Variants in C7 observed in about 807,000 individuals in gnomAD.
C7 encodes complement component C7.
C7 carries 83 observed loss-of-function variants against 104.8 expected under a neutral mutation model. That is an observed-to-expected ratio of 0.79 (90% CI 0.66 to 0.95). The LOEUF (loss-of-function observed/expected upper bound fraction) is 0.95. Among genes scored for constraint, C7 ranks in the 40% least tolerant of loss-of-function variants. The pLI is 0.00. For missense variants in C7, 1,070 were observed against 1,011.2 expected (o/e 1.06, Z -0.79); for synonymous variants, 415 against 360.6 (o/e 1.15, Z -1.71).
chr5:40,927,109 T>C (rs907573957), intron 1 of C7, among the ~76,000 whole-genome samples: 6 of 152,088 alleles, frequency 3.9e-5, no homozygotes, highest in Non-Finnish European at 8.8e-5. Flanking sequence ...TATGGTCGAT[T>C]GGTTATTTTT....
At chr5:40,946,997 A>G (rs1198383494) in intron 7 of C7, among the ~76,000 whole-genome samples, 1 of 151,864 alleles carries the variant, frequency 6.6e-6, no homozygotes, top group Admixed American at 6.6e-5. Flanking sequence ...ATTAATCCTG[A>G]ACCCTGAATT....
At chr5:40,962,243 AT>A in intron 13 of C7, 71 bp downstream of exon 13, 2 of 880,890 alleles carry the variant, frequency 2.3e-6, no homozygotes, top group South Asian at 2.3e-5. Flanking sequence ...CCCATAACCT[AT>A]TTTCTTCCTC....
intron 17 of C7, chr5:40,980,200 A>G (rs1740912895): frequency 3.7e-6 from 1 of 272,288 alleles, no homozygotes; most frequent in Non-Finnish European, 6.8e-6. Context: ...TATTATCCAT[A>G]TTGTGTACTC....
chr5:40,930,042 A>G (rs148631506), intron 2 of C7, among the ~76,000 whole-genome samples: 4 of 152,020 alleles, frequency 2.6e-5, no homozygotes, highest in African/African-American at 7.2e-5. Flanking sequence ...GTTTTCACCT[A>G]CCCTCTTAAC....
At chr5:40,924,961 C>T (rs932707412) in intron 1 of C7, among the ~76,000 whole-genome samples, 1 of 152,318 alleles carries the variant, frequency 6.6e-6, no homozygotes, top group African/African-American at 2.4e-5. Context: ...GCCTTCGGGG[C>T]CTCTTCTCCA....
intron 1 of C7, among the ~76,000 whole-genome samples, chr5:40,922,659 C>G (rs1196329708): frequency 6.7e-6 from 1 of 148,778 alleles, no homozygotes; most frequent in Non-Finnish European, 1.5e-5. Context: ...CAAGATCGCA[C>G]TACTGCACTC....
intron 3 of C7, among the ~76,000 whole-genome samples, chr5:40,931,492 T>C (rs1421178755): frequency 6.6e-6 from 1 of 152,204 alleles, no homozygotes; most frequent in African/African-American, 2.4e-5. Context: ...TTATGTTCAC[T>C]GAGTTCAACT....
chr5:40,909,969 G>A (rs895298679), intron 1 of C7, among the ~76,000 whole-genome samples: 4 of 145,472 alleles, frequency 2.7e-5, no homozygotes, highest in South Asian at 2.2e-4. Flanking sequence ...ACTTTCCTCT[G>A]GTGTATTTTT....
At chr5:40,980,474 A>C (rs1740918572) in intron 17 of C7, 1 of 152,266 alleles carries the variant, frequency 6.6e-6, no homozygotes, top group Non-Finnish European at 1.5e-5. Context: ...GACGGATTTG[A>C]AGAGAATAAA....
intron 1 of C7, among the ~76,000 whole-genome samples, chr5:40,926,908 A>T (rs1474991475): frequency 2.0e-5 from 3 of 150,816 alleles, no homozygotes; most frequent in Non-Finnish European, 4.4e-5. Flanking sequence ...CTTAAAGTTC[A>T]TATGGAATCA....
At position 40,958,143 on chromosome 5, in the gene C7, C is replaced by A; in HGVS notation, c.1371C>A (p.Cys457Ter). ...TGGATGAATTTGACCCCTGTCATTG[C>A]CGGCCTTGTCAAAATGGTGGTTTGG... Reference protein sequence around the residue: ...EYLDEFDPCHCRPCQNGGLAT... With the variant: ...EYLDEFDPCH Residue 457 changes from cysteine (C) to a stop codon, truncating the protein, a stop_gained, in exon 11 of 18, where the codon TGC becomes TGA. Transcript: ENST00000313164. LOFTEE classifies it high-confidence loss of function. 1.2e-6 allele frequency: 2 copies of A among 1,613,798 alleles called. No homozygotes were observed. The highest frequency in any genetic ancestry group is 1.7e-6 in the Non-Finnish European group (2 of 1,179,756).
At position 40,979,878 on chromosome 5, in the gene C7, T is replaced by A; in HGVS notation, c.2319T>A (p.Cys773Ter). The A allele has an allele frequency of 6.2e-7, 1 of 1,602,742 alleles. No homozygotes were observed. The highest frequency in any genetic ancestry group is 1.1e-5 in the South Asian group (1 of 89,026). The change falls in exon 17 of 18, where the codon TGT becomes TGA. Residue 773 changes from cysteine (C) to a stop codon, truncating the protein, a stop_gained. Transcript: ENST00000313164. LOFTEE classifies it low-confidence loss of function (END_TRUNC). ...CTLPASAEKA[C>*]GACPLWGKCD... Reference sequence around the variant, plus strand: ...TGCCTGCCTCAGCTGAGAAAGCTTGTGGTGCCTGCCCACTGTGGGGAAAAT... The same window carrying A: ...TGCCTGCCTCAGCTGAGAAAGCTTGAGGTGCCTGCCCACTGTGGGGAAAAT...
intron 2 of C7, among the ~76,000 whole-genome samples, chr5:40,929,501 A>G (rs1024087527): frequency 6.6e-6 from 1 of 152,208 alleles, no homozygotes. Flanking sequence ...CAAGGCACAC[A>G]CTATAGAATG....
In C7 at chr5:40,920,083, T is replaced by C. The variant is rs574404488; in HGVS notation, c.7-8497T>C. ...GAAAAGATGAACAAATTTGACAAAC[T>C]AGATTAATTTAAAAAAAAGAAGATT... On this transcript the variant is annotated intron_variant, in intron 1 of 17. Transcript: ENST00000313164. Among the ~76,000 whole-genome samples the C allele has an allele frequency of 2.0e-5, 3 of 151,898 alleles. No individual in the cohort carries two copies. In the South Asian group the frequency reaches 6.2e-4, roughly 32 times the overall value.
intron 14 of C7, among the ~76,000 whole-genome samples, chr5:40,968,586 ATATATATATATATATTTTTT>A (rs1740615077): frequency 7.8e-5 from 6 of 76,460 alleles, no homozygotes; most frequent in African/African-American, 3.0e-4. Flanking sequence ...ATATATATAT[ATATATATATATATATTTTTT>A]TTTTTTTTTT....
intron 8 of C7, among the ~76,000 whole-genome samples, chr5:40,949,092 T>A (rs189987622): frequency 5.3e-4 from 81 of 152,232 alleles, no homozygotes; most frequent in Non-Finnish European, 1.0e-3. Context: ...TTTTACTTCT[T>A]TTTATTGCAC....
intron 1 of C7, among the ~76,000 whole-genome samples, chr5:40,910,419 G>T (rs1405828854): frequency 6.6e-6 from 1 of 152,118 alleles, no homozygotes; most frequent in Non-Finnish European, 1.5e-5. Context: ...TGCTTCCATA[G>T]TCACTGTATT....
intron 9 of C7, among the ~76,000 whole-genome samples, chr5:40,953,643 A>AAAC (rs1740225064): frequency 6.6e-6 from 1 of 151,372 alleles, no homozygotes; most frequent in Non-Finnish European, 1.5e-5. Context: ...CTGTCTCAAA[A>AAAC]AAAAAAAAAA....
intron 14 of C7, chr5:40,972,181 G>C (rs1395774303): frequency 1.7e-6 from 1 of 574,082 alleles, no homozygotes; most frequent in East Asian, 3.1e-5. Flanking sequence ...GGGAGGGGTG[G>C]GAGAGGGGGA....
Sources: gnomAD v4.1 joint callset for allele counts (sites outside exome capture counted in the v4.1 genomes callset) on GRCh38, gnomAD v4.1.1 for gene constraint, MANE v1.5 for transcripts, NCBI Gene and HGNC (gene_info 2026-07-23, HGNC 2026-07-21) for gene names.